The following ZFYVE28 variants were observed in gnomAD, a reference collection of about 807,000 sequenced individuals.
The protein encoded by ZFYVE28 is zinc finger FYVE-type containing 28, also known as lateral signaling target protein 2 homolog.
Under a neutral mutation model 82.1 loss-of-function variants are expected in ZFYVE28, and 40 were observed. The ratio of observed to expected loss-of-function variants is 0.49; its 90% CI spans 0.38 to 0.63. The LOEUF is 0.63. Among genes scored for constraint, ZFYVE28 ranks in the 30% least tolerant of loss-of-function variants. ZFYVE28 has a pLI of 0.00. For missense variants in ZFYVE28, 1,321 were observed against 1,242.1 expected, an observed-to-expected ratio of 1.06 and a Z score of -0.96; for synonymous variants, 612 against 546.1, an observed-to-expected ratio of 1.12 and a Z score of -1.68.
At position 2,274,162 on chromosome 4, in the gene ZFYVE28, T is replaced by C. The variant is rs748753704; in HGVS notation, c.2106A>G (p.Pro702=). 3 of 1,613,462 alleles carry C rather than the reference T, an allele frequency of 1.9e-6. No individual in the cohort carries two copies. Among genetic ancestry groups the C allele is most frequent in the Non-Finnish European group, 2.5e-6 (3 of 1,179,960 alleles). Residue 702 remains proline, a synonymous_variant, in exon 9 of 13, where the codon CCA becomes CCG. Transcript: ENST00000290974. Reference sequence around the variant, plus strand: ...CCTGTGGGGCAGCATGCGTGGCTGCTGGGGCCGCCTCTGGCCCCATCTTGT... The same window carrying C: ...CCTGTGGGGCAGCATGCGTGGCTGCCGGGGCCGCCTCTGGCCCCATCTTGT... ...SSDKMGPEAA[P]AATHAAPQAT...
intron 1 of ZFYVE28, among the ~76,000 whole-genome samples, chr4:2,355,858 G>T (rs1725235467): frequency 6.6e-6 from 1 of 152,224 alleles, no homozygotes; most frequent in Non-Finnish European, 1.5e-5. Flanking sequence ...GATTATAGAA[G>T]TGAGTCACTG....
Position 2,305,202 on chromosome 4 carries a change from C to T in ZFYVE28, c.1138G>A (p.Gly380Ser). 3.7e-6 allele frequency: 6 copies of T among 1,604,322 alleles called. No homozygotes were observed. The highest frequency in any genetic ancestry group is 5.1e-6 in the Non-Finnish European group (6 of 1,173,614). Reference sequence around the variant, plus strand: ...GGTCTACCTGGAGAGGCCTCCCCGCCTGGGCTGCCCTCCGCTCCTGGCCTG... The same window carrying T: ...GGTCTACCTGGAGAGGCCTCCCCGCTTGGGCTGCCCTCCGCTCCTGGCCTG... The part of the protein sequence containing the change: ...AHRPGAEGSP[G>S]GEASPGRPRL... Residue 380 changes from glycine to serine, a missense_variant, in exon 8 of 13, where the codon GGC becomes AGC. Transcript: ENST00000290974.
rs1718845560 is a variant in ZFYVE28 at position 2,320,077 on chromosome 4, G to C, written c.803+93C>G. On this transcript the variant is annotated intron_variant, in intron 7 of 12. Coordinates refer to ENST00000290974, the MANE Select transcript of ZFYVE28 (RefSeq NM_020972.3). This position sits in a 1 kb window ranked among gnomAD's most constrained non-coding sequence, Gnocchi z 5.1. ...CATCCTTCCTCACAGAGAGGAGGAG[G>C]ACCTGGAGGCGGCGGCTAAACATGA... 2 of 1,177,328 alleles carry C rather than the reference G, an allele frequency of 1.7e-6. No homozygotes were observed. Among genetic ancestry groups the C allele is most frequent in the South Asian group, 1.3e-5 (1 of 74,656 alleles). The allele number at this position is 1,177,328 out of a possible 1,614,324, so 72.9% of individuals were successfully genotyped here. A position where few individuals can be genotyped will look rare whatever the true frequency, so the allele number is the denominator to read the frequency against.
At chr4:2,360,565 G>A (rs917967373) in intron 1 of ZFYVE28, among the ~76,000 whole-genome samples, 7 of 152,102 alleles carry the variant, frequency 4.6e-5, no homozygotes, top group Admixed American at 1.3e-4. Context: ...TGCCTGGGGC[G>A]GGAGCAGGAG....
At chr4:2,306,858 A>G (rs1391933288) in intron 7 of ZFYVE28, 1 of 152,232 alleles carries the variant, frequency 6.6e-6, no homozygotes, top group Non-Finnish European at 1.5e-5. Flanking sequence ...TGGGGTAAAT[A>G]TACGTAGTTC....
intron 1 of ZFYVE28, among the ~76,000 whole-genome samples, chr4:2,391,759 T>TTC: frequency 7.0e-6 from 1 of 143,018 alleles, no homozygotes; most frequent in Non-Finnish European, 1.5e-5. Flanking sequence ...TTTTTGTGAC[T>TTC]GAGTCTTGCT....
At chr4:2,302,793 G>A (rs1456469773) in intron 8 of ZFYVE28, among the ~76,000 whole-genome samples, 6 of 152,246 alleles carry the variant, frequency 3.9e-5, no homozygotes, top group Non-Finnish European at 7.3e-5. Flanking sequence ...AAGGAACGGC[G>A]TGTTGCCGTG....
intron 7 of ZFYVE28, among the ~76,000 whole-genome samples, chr4:2,314,855 T>A (rs1267166688): frequency 6.6e-6 from 1 of 152,202 alleles, no homozygotes; most frequent in Admixed American, 6.5e-5. Context: ...CATAGCTCAC[T>A]GCAACCTCAA....
intron 7 of ZFYVE28, among the ~76,000 whole-genome samples, chr4:2,310,933 C>T (rs1717385932): frequency 6.6e-6 from 1 of 151,912 alleles, no homozygotes; most frequent in Non-Finnish European, 1.5e-5. Context: ...CTGATGTTTT[C>T]TCTGTGGGAA....
At chr4:2,357,149 G>A (rs189818270) in intron 1 of ZFYVE28, among the ~76,000 whole-genome samples, 13 of 152,154 alleles carry the variant, frequency 8.5e-5, no homozygotes, top group Admixed American at 6.5e-4. Context: ...CATCCGCCTC[G>A]GCCTCCCAAA....
chr4:2,327,907 TAA>T (rs1221911347), intron 6 of ZFYVE28, among the ~76,000 whole-genome samples: 1 of 152,206 alleles, frequency 6.6e-6, no homozygotes, highest in Non-Finnish European at 1.5e-5. Flanking sequence ...AGATGAAAGA[TAA>T]GTGTTACCAA....
intron 1 of ZFYVE28, among the ~76,000 whole-genome samples, chr4:2,384,597 G>C (rs1370077217): frequency 1.3e-5 from 2 of 152,282 alleles, no homozygotes; most frequent in East Asian, 1.9e-4. Context: ...TGGATGGGGT[G>C]GGGGAGCAGA....
intron 1 of ZFYVE28, among the ~76,000 whole-genome samples, chr4:2,401,571 G>T (rs529491157): frequency 6.6e-6 from 1 of 152,022 alleles, no homozygotes; most frequent in East Asian, 1.9e-4. Context: ...TTCTGGCTCT[G>T]TGAGTTCTGA....
intron 1 of ZFYVE28, among the ~76,000 whole-genome samples, chr4:2,375,416 C>G (rs12506189): frequency 0.67 from 101,609 of 152,098 alleles, 34,282 homozygotes; most frequent in East Asian, 0.8. Flanking sequence ...GGCTCTTCCC[C>G]CTGCTGGACA....
chr4:2,374,465 T>A (rs922575289), intron 1 of ZFYVE28, among the ~76,000 whole-genome samples: 8 of 152,010 alleles, frequency 5.3e-5, no homozygotes, highest in Admixed American at 4.6e-4. Flanking sequence ...AAACAAAAAT[T>A]AGCTGGATGT....
intron 6 of ZFYVE28, chr4:2,328,422 T>C (rs1720201410): frequency 6.6e-6 from 1 of 152,174 alleles, no homozygotes; most frequent in Non-Finnish European, 1.5e-5. Context: ...CCAAAGAGTA[T>C]AAAATCTCAG....
chr4:2,369,789 A>AC (rs1412781497), intron 1 of ZFYVE28, among the ~76,000 whole-genome samples: 1 of 150,138 alleles, frequency 6.7e-6, no homozygotes, highest in African/African-American at 2.5e-5. Flanking sequence ...TGCTGCCCAC[A>AC]CCACGACCTC....
At position 2,374,606 on chromosome 4, in the gene ZFYVE28, CCT is replaced by C. The variant is rs1727916795; in HGVS notation, c.40-20535_40-20534del. 4.6e-5 allele frequency among the ~76,000 whole-genome samples: 7 copies of C among 151,314 alleles called. No homozygotes were observed. In the South Asian group the frequency reaches 1.5e-3, roughly 32 times the overall value. ...TCCAGCCTGGGCGACAGAGTGAGAC[CCT>C]GTTTCAAAAGAAGAAAAGAAGAAGA... On this transcript the variant is annotated intron_variant, in intron 1 of 12. Coordinates refer to ENST00000290974, the MANE Select transcript of ZFYVE28 (RefSeq NM_020972.3).
intron 8 of ZFYVE28, among the ~76,000 whole-genome samples, chr4:2,276,591 TGTG>T (rs1204588046): frequency 6.6e-6 from 1 of 152,186 alleles, no homozygotes; most frequent in African/African-American, 2.4e-5. Context: ...ATAAACCAAA[TGTG>T]GTCCACCCAT....
Sources: allele counts gnomAD v4.1 joint callset (sites outside exome capture counted in the v4.1 genomes callset), GRCh38; gene constraint gnomAD v4.1.1; non-coding constraint Gnocchi (gnomAD v3.1); transcripts MANE v1.5; gene names NCBI Gene and HGNC (gene_info 2026-07-23, HGNC 2026-07-21).